The following CACNA2D1 variants were observed in gnomAD, a reference collection of about 807,000 sequenced individuals.
The protein encoded by CACNA2D1 is voltage-dependent calcium channel subunit alpha-2/delta-1.
CACNA2D1 carries 53 observed loss-of-function variants against 171.5 expected under a neutral mutation model. The observed-to-expected ratio is 0.31, with a 90% CI of 0.25 to 0.39. CACNA2D1 has a LOEUF of 0.39. Among genes scored for constraint, CACNA2D1 ranks in the 10% least tolerant of loss-of-function variants. The pLI is 1.00. For missense variants in CACNA2D1, 903 were observed against 1,299.8 expected (o/e 0.69, Z 4.69); for synonymous variants, 442 against 443.1 (o/e 1.00, Z 0.03).
intron 4 of CACNA2D1, among the ~76,000 whole-genome samples, chr7:82,138,449 GTTTTTTTT>G (rs5885271): frequency 2.0e-5 from 2 of 101,584 alleles, no homozygotes; most frequent in South Asian, 6.6e-4. Flanking sequence ...TGTTTTTTTT[GTTTTTTTT>G]TTTTTTTGAG....
chr7:82,052,603 T>C (rs1805315808), intron 10 of CACNA2D1, among the ~76,000 whole-genome samples: 1 of 152,152 alleles, frequency 6.6e-6, no homozygotes, highest in South Asian at 2.1e-4. Flanking sequence ...GACTGAAAAA[T>C]TTCTTTAAAA....
chr7:82,361,793 T>C (rs1821110801), intron 1 of CACNA2D1, among the ~76,000 whole-genome samples: 1 of 152,180 alleles, frequency 6.6e-6, no homozygotes, highest in Non-Finnish European at 1.5e-5. Context: ...TTTAGTATCA[T>C]ATAATTTGCT....
At chr7:81,955,479 G>A (rs1459837128) in intron 38 of CACNA2D1, among the ~76,000 whole-genome samples, 2 of 152,034 alleles carry the variant, frequency 1.3e-5, no homozygotes, top group African/African-American at 4.8e-5. Flanking sequence ...ATAGCACTAA[G>A]TGGATTCACT....
intron 3 of CACNA2D1, among the ~76,000 whole-genome samples, chr7:82,226,282 T>C (rs1245824447): frequency 6.6e-6 from 1 of 152,192 alleles, no homozygotes. Context: ...ATAGCCACCA[T>C]TTATTGAGGG....
At chr7:82,272,270 T>C (rs1267154566) in intron 3 of CACNA2D1, among the ~76,000 whole-genome samples, 3 of 152,204 alleles carry the variant, frequency 2.0e-5, no homozygotes, top group East Asian at 1.9e-4. Flanking sequence ...TTTTGTACTA[T>C]AGGTAGTCCA....
At chr7:82,108,529 C>T (rs1231991501) in intron 6 of CACNA2D1, among the ~76,000 whole-genome samples, 1 of 152,116 alleles carries the variant, frequency 6.6e-6, no homozygotes, top group Admixed American at 6.6e-5. Flanking sequence ...ATGGAGGGAA[C>T]ACAATTCAGT....
intron 4 of CACNA2D1, among the ~76,000 whole-genome samples, chr7:82,145,793 C>T (rs4313098): frequency 0.18 from 26,994 of 149,764 alleles, 2,998 homozygotes; most frequent in East Asian, 0.38. Context: ...ATCTTTGAGA[C>T]ACATTCATTC....
At chr7:81,965,170 A>G (rs1213452574) in intron 32 of CACNA2D1, among the ~76,000 whole-genome samples, 2 of 151,962 alleles carry the variant, frequency 1.3e-5, no homozygotes, top group Non-Finnish European at 2.9e-5. Context: ...CAGATTCAGA[A>G]GTGAAATTAG....
chr7:82,190,026 T>C (rs751060939), intron 3 of CACNA2D1, among the ~76,000 whole-genome samples: 48 of 152,064 alleles, frequency 3.2e-4, no homozygotes, highest in South Asian at 6.2e-4. Context: ...TAGGTAACCC[T>C]ACTTTGCCTT....
chr7:82,031,883 T>C (rs943489134), intron 12 of CACNA2D1, among the ~76,000 whole-genome samples: 26 of 152,130 alleles, frequency 1.7e-4, no homozygotes, highest in Middle Eastern at 3.4e-3. Flanking sequence ...GCAAAGTGAA[T>C]GGGCATTTTA....
At chr7:82,266,023 A>T (rs1405228856) in intron 3 of CACNA2D1, among the ~76,000 whole-genome samples, 1 of 152,212 alleles carries the variant, frequency 6.6e-6, no homozygotes, top group Non-Finnish European at 1.5e-5. Flanking sequence ...GATCTACAAG[A>T]TGGCAAATTT....
chr7:82,027,680 T>A (rs1436713110), intron 12 of CACNA2D1: 1 of 151,774 alleles, frequency 6.6e-6, no homozygotes, highest in Non-Finnish European at 1.5e-5. Context: ...CAACCCTGTA[T>A]CAAGTAAGTC....
At position 82,181,041 on chromosome 7, in the gene CACNA2D1, A is replaced by ATTTTTTTTTTTTTTTTTTT. The variant is rs71093367; in HGVS notation, c.295-10451_295-10433dup. ...GGTCAGCAGCTGTGGGGCATGTCGGATTTTTTTTTTTTTTTTTTTTTTTTT... is the reference window on the plus strand; with the variant it reads ...GGTCAGCAGCTGTGGGGCATGTCGGATTTTTTTTTTTTTTTTTTTTTTTTTTTTTTTTTTTTTTTTTTTT... On this transcript the variant is annotated intron_variant, in intron 3 of 38. Coordinates refer to ENST00000356860, the MANE Select transcript of CACNA2D1 (RefSeq NM_000722.4). 2.3e-3 allele frequency among the ~76,000 whole-genome samples: 32 copies of ATTTTTTTTTTTTTTTTTTT among 13,960 alleles called. 12 individuals are homozygous for ATTTTTTTTTTTTTTTTTTT. The highest frequency in any genetic ancestry group is 7.9e-3 in the South Asian group (2 of 252). The allele number at this position is 13,960 out of a possible 152,430, so 9.2% of individuals were successfully genotyped here.
chr7:82,304,581 G>A (rs12538582), intron 3 of CACNA2D1, among the ~76,000 whole-genome samples: 25,775 of 152,098 alleles, frequency 0.17, 2,267 homozygotes, highest in South Asian at 0.28. Flanking sequence ...AGATCATTAC[G>A]TTAAGTGAAA....
rs945756570 is a variant in CACNA2D1 at position 82,360,665 on chromosome 7, T to C, written c.96-11016A>G. 3.3e-5 allele frequency among the ~76,000 whole-genome samples: 5 copies of C among 152,304 alleles called. No homozygotes were observed. In the South Asian group the frequency reaches 6.2e-4, roughly 19 times the overall value. On this transcript the variant is annotated intron_variant, in intron 1 of 38. Coordinates refer to ENST00000356860, the MANE Select transcript of CACNA2D1 (RefSeq NM_000722.4). ...ACATAAAATATTCTAAAAGCAACAT[T>C]AAGTCCTTCAATATGCATAGAAAAT...
chr7:82,025,347 ACTCCTTTGTTAAGTTCGC>A (rs1444630950), intron 12 of CACNA2D1, among the ~76,000 whole-genome samples: 1 of 150,852 alleles, frequency 6.6e-6, no homozygotes, highest in Non-Finnish European at 1.5e-5. Context: ...AGTATATAAA[ACTCCTTTGTTAAGTTCGC>A]CTCCTTTGTT....
chr7:81,981,820 T>C (rs749650206), intron 24 of CACNA2D1, among the ~76,000 whole-genome samples: 2 of 152,084 alleles, frequency 1.3e-5, no homozygotes, highest in South Asian at 4.2e-4. Flanking sequence ...TAAATAAAAT[T>C]GGGTAGAAAG....
intron 4 of CACNA2D1, among the ~76,000 whole-genome samples, chr7:82,167,997 G>GT (rs553381046): frequency 8.7e-4 from 133 of 152,174 alleles, no homozygotes; most frequent in Middle Eastern, 3.4e-3. Context: ...CTTGCACAAT[G>GT]TTTTTTTAGC....
At chr7:82,067,936 C>T (rs1248967392) in intron 7 of CACNA2D1, among the ~76,000 whole-genome samples, 1 of 152,144 alleles carries the variant, frequency 6.6e-6, no homozygotes, top group African/African-American at 2.4e-5. Flanking sequence ...CATCCTTCTA[C>T]CTTGCCCTAT....
Sources: gnomAD v4.1 joint callset for allele counts (sites outside exome capture counted in the v4.1 genomes callset) on GRCh38, gnomAD v4.1.1 for gene constraint, MANE v1.5 for transcripts, NCBI Gene and HGNC (gene_info 2026-07-23, HGNC 2026-07-21) for gene names.